The following PFKFB4 variants were observed in gnomAD, a reference collection of about 807,000 sequenced individuals.
The protein encoded by PFKFB4 is 6-phosphofructo-2-kinase/fructose-2,6-bisphosphatase 4.
A neutral mutation model predicts 62.8 loss-of-function variants in PFKFB4; 42 were observed. The observed-to-expected ratio is 0.67, with a 90% CI of 0.52 to 0.86. The LOEUF (loss-of-function observed/expected upper bound fraction) is 0.86. PFKFB4 is among the 40% of genes least tolerant of loss of function. The pLI is 0.00. For missense variants in PFKFB4, 475 were observed against 627.2 expected (o/e 0.76, Z 2.59); for synonymous variants, 204 against 240.7 (o/e 0.85, Z 1.41).
In PFKFB4 at chr3:48,553,270, T is replaced by C. The variant is rs561570604; in HGVS notation, c.98-3036A>G. ...AGGCAGATCACCTGAGGTCAGGAGT[T>C]CGAGACCAGCTTGGCCAACATGGTG... is the stretch of plus-strand genomic sequence containing the variant. On this transcript the variant is annotated intron_variant, in intron 1 of 13. Coordinates refer to ENST00000232375, the MANE Select transcript of PFKFB4 (RefSeq NM_004567.4). 5.3e-4 allele frequency among the ~76,000 whole-genome samples: 81 copies of C among 152,332 alleles called. No individual in the cohort carries two copies. The Middle Eastern group carries it at 0.01, about 19-fold the overall frequency.
At position 48,549,989 on chromosome 3, in the gene PFKFB4, C is replaced by T. The variant is rs755048301; in HGVS notation, c.215-29G>A. On this transcript the variant is annotated intron_variant, in intron 2 of 13. Coordinates refer to ENST00000232375, the MANE Select transcript of PFKFB4 (RefSeq NM_004567.4). The stretch of plus-strand genomic sequence containing the variant: ...GAGGGAAGGAGAGGCTCAGCTTTCA[C>T]AGCAACAGCAACCCCTACCAACCCT... 3.3e-6 allele frequency: 5 copies of T among 1,537,460 alleles called. No individual in the cohort carries two copies. In the South Asian group the frequency reaches 5.6e-5, roughly 17 times the overall value.
intron 1 of PFKFB4, among the ~76,000 whole-genome samples, chr3:48,551,129 C>T (rs1292445149): frequency 6.6e-6 from 1 of 152,126 alleles, no homozygotes; most frequent in African/African-American, 2.4e-5. Flanking sequence ...GATCTGAATA[C>T]AGCCCCCTAT....
rs1560162583 is a variant in PFKFB4, at chr3:48,535,720, T to G, written c.841-62A>C. 3.1e-6 allele frequency: 5 copies of G among 1,599,972 alleles called. No homozygotes were observed. The African/African-American group carries it at 6.7e-5, about 21-fold the overall frequency. On this transcript the variant is annotated intron_variant, in intron 8 of 13. Coordinates refer to ENST00000232375, the MANE Select transcript of PFKFB4 (RefSeq NM_004567.4). The stretch of plus-strand genomic sequence containing the variant: ...CTTGGGCTGCCCTTAAAGCATCCCA[T>G]AGCCGCAGGGTCCATGAGATCACCC...
intron 3 of PFKFB4, among the ~76,000 whole-genome samples, chr3:48,549,385 C>T (rs558582349): frequency 6.6e-6 from 1 of 152,000 alleles, no homozygotes; most frequent in Non-Finnish European, 1.5e-5. Context: ...AGCCCCCCAC[C>T]CCCAGCTCCA....
rs945783338 is a variant in PFKFB4 at position 48,523,729 on chromosome 3, C to T, written c.1194G>A (p.Leu398=). The change falls in exon 11 of 14, where the codon CTG becomes CTA. Residue 398 remains leucine (L), a synonymous_variant. Transcript: ENST00000232375. ...VICHQAVMRC[L]LAYFLDKAAE... is the part of the protein sequence containing the mutation. ...CTGCCTTGTCGAGGAAGTAGGCCAGCAGGCAGCGCATCACAGCCTGGTGGC... is the reference window on the plus strand; with the variant it reads ...CTGCCTTGTCGAGGAAGTAGGCCAGTAGGCAGCGCATCACAGCCTGGTGGC... 2 of 1,614,168 alleles carry T rather than the reference C, an allele frequency of 1.2e-6. No homozygotes were observed. The highest frequency in any genetic ancestry group is 1.3e-5 in the African/African-American group (1 of 75,058).
chr3:48,553,446 C>G (rs551650186), intron 1 of PFKFB4, among the ~76,000 whole-genome samples: 6 of 152,050 alleles, frequency 3.9e-5, no homozygotes, highest in South Asian at 2.1e-4. Context: ...TGCACTCCAG[C>G]CTGGGGGACA....
upstream of PFKFB4, chr3:48,556,831 C>G: frequency 1.9e-6 from 3 of 1,540,092 alleles, no homozygotes; most frequent in South Asian, 3.6e-5. The surrounding 1 kb of genome is among the most constrained non-coding windows in gnomAD (Gnocchi z 5.7). Context: ...AGCCGGGCCA[C>G]CTCGGGCCAC....
intron 3 of PFKFB4, among the ~76,000 whole-genome samples, chr3:48,545,541 G>C (rs1390994082): frequency 6.6e-6 from 1 of 152,176 alleles, no homozygotes; most frequent in Non-Finnish European, 1.5e-5. Flanking sequence ...AAGCTGATCT[G>C]AGAACCACAA....
In PFKFB4 at chr3:48,539,208, T is replaced by G. The variant is rs761164687; in HGVS notation, c.510+46A>C. 6.2e-6 allele frequency: 9 copies of G among 1,453,134 alleles called. No homozygotes were observed. In the South Asian group the frequency reaches 9.1e-5, roughly 15 times the overall value. The allele number at this position is 1,453,134 out of a possible 1,614,324, so 90.0% of individuals were successfully genotyped here. A position where few individuals can be genotyped will look rare whatever the true frequency, so the allele number is the denominator to read the frequency against. The stretch of plus-strand genomic sequence containing the variant: ...GTTAGCCAAAACCTGAAAAGGGATG[T>G]CCCTGTCACACACGACCTTCTGACA... On this transcript the variant is annotated intron_variant, in intron 6 of 13. Transcript: ENST00000232375.
In PFKFB4 at chr3:48,522,420, G is replaced by A. The variant is rs139542080; in HGVS notation, c.1286-370C>T. On this transcript the variant is annotated intron_variant, in intron 12 of 13. Coordinates refer to ENST00000232375, the MANE Select transcript of PFKFB4 (RefSeq NM_004567.4). Reference sequence around the variant, plus strand: ...CCATATAAGGCCCAGTCAACCGTGTGCCAGGTGCACAGTGCAATGGGGGAT... The same window carrying A: ...CCATATAAGGCCCAGTCAACCGTGTACCAGGTGCACAGTGCAATGGGGGAT... 3.6e-4 allele frequency among the ~76,000 whole-genome samples: 55 copies of A among 152,314 alleles called. No homozygotes were observed. In the East Asian group the frequency reaches 9.5e-3, roughly 26 times the overall value.
intron 3 of PFKFB4, among the ~76,000 whole-genome samples, chr3:48,549,179 A>G (rs971160563): frequency 1.3e-5 from 2 of 152,190 alleles, no homozygotes; most frequent in African/African-American, 4.8e-5. Flanking sequence ...GAAAGGACTC[A>G]GTTCAAGTCT....
chr3:48,561,209 G>A (rs544194192), upstream of PFKFB4: 44 of 611,614 alleles, frequency 7.2e-5, no homozygotes, highest in African/African-American at 8.3e-4. The surrounding 1 kb of genome is among the most constrained non-coding windows in gnomAD (Gnocchi z 5.2). Flanking sequence ...CGACTCCTGC[G>A]GCTCCTGCAG....
Position 48,539,046 on chromosome 3 carries a change from G to A in PFKFB4, c.510+208C>T, listed in dbSNP as rs77802201. ...GCTCTCCTAGTGTCCAGGTGGTTAC[G>A]AGGCGGAGGTGGGGTGAGTGAATGT... On this transcript the variant is annotated intron_variant, in intron 6 of 13. Transcript: ENST00000232375. Among the ~76,000 whole-genome samples, 504 of 152,202 alleles carry A rather than the reference G, an allele frequency of 3.3e-3. 2 individuals are homozygous for A. Among genetic ancestry groups the A allele is most frequent in the African/African-American group, 0.012 (481 of 41,530 alleles).
At chr3:48,544,163 C>T (rs1331105150) in intron 3 of PFKFB4, among the ~76,000 whole-genome samples, 1 of 151,984 alleles carries the variant, frequency 6.6e-6, no homozygotes, top group Non-Finnish European at 1.5e-5. Context: ...AGGCGTGCAC[C>T]ACCACGCCCA....
At chr3:48,560,935 A>C, upstream of PFKFB4, 2 of 277,714 alleles carry the variant, frequency 7.2e-6, no homozygotes, top group South Asian at 5.8e-5. Context: ...AATGGCCCTC[A>C]GAGCACCCCT....
At chr3:48,554,084 C>T (rs1326048593) in intron 1 of PFKFB4, among the ~76,000 whole-genome samples, 1 of 152,082 alleles carries the variant, frequency 6.6e-6, no homozygotes, top group Non-Finnish European at 1.5e-5. Context: ...AGGTGCAGTA[C>T]ATCCCTCAGT....
At position 48,523,683 on chromosome 3, in the gene PFKFB4, C is replaced by T. The variant is rs776197770; in HGVS notation, c.1222+18G>A. 6.2e-7 allele frequency: 1 copy of T among 1,614,146 alleles called. No individual in the cohort carries two copies. The highest frequency in any genetic ancestry group is 1.7e-5 in the Admixed American group (1 of 60,020). On this transcript the variant is annotated intron_variant, in intron 11 of 13. Transcript: ENST00000232375. ...TTCTCACACAACCTTCCCACCTCCC[C>T]CGGGGCACAGCCCACACCTGCTGCC...
upstream of PFKFB4, chr3:48,560,973 C>T (rs2043423187): frequency 5.8e-6 from 4 of 691,660 alleles, no homozygotes; most frequent in Non-Finnish European, 8.0e-6. Flanking sequence ...CCAACACTCT[C>T]GCACCCCTCC....
chr3:48,538,590 G>A lies in PFKFB4; in HGVS notation c.540C>T (p.Val180=), dbSNP rs2042702619. The A allele has an allele frequency of 6.2e-7, 1 of 1,614,088 alleles. No individual in the cohort carries two copies. Among genetic ancestry groups the A allele is most frequent in the African/African-American group, 1.3e-5 (1 of 74,940 alleles). ...CCGTAGCCTCATCACTGTCGCGGTTGACATAGTCAGGGCTGCCCAGTTTCA... is the reference window on the plus strand; with the variant it reads ...CCGTAGCCTCATCACTGTCGCGGTTAACATAGTCAGGGCTGCCCAGTTTCA... ...VQVKLGSPDY[V]NRDSDEATED... The change falls in exon 7 of 14, where the codon GTC becomes GTT. Residue 180 remains valine, a synonymous_variant. Coordinates refer to ENST00000232375, the MANE Select transcript of PFKFB4 (RefSeq NM_004567.4).
Sources: allele counts gnomAD v4.1 joint callset (sites outside exome capture counted in the v4.1 genomes callset), GRCh38; gene constraint gnomAD v4.1.1; non-coding constraint Gnocchi (gnomAD v3.1); transcripts MANE v1.5; gene names NCBI Gene and HGNC (gene_info 2026-07-23, HGNC 2026-07-21).